Variants in ZCCHC7 observed in about 807,000 individuals in gnomAD.
ZCCHC7 encodes the protein zinc finger CCHC-type containing 7.
Under a neutral mutation model 52.0 loss-of-function variants are expected in ZCCHC7, and 35 were observed. The ratio of observed to expected loss-of-function variants is 0.67; its 90% confidence interval spans 0.51 to 0.89. ZCCHC7 has a LOEUF of 0.89. Among genes scored for constraint, ZCCHC7 ranks in the 40% least tolerant of loss-of-function variants. The probability of loss-of-function intolerance (pLI) is 0.00; values close to 1 mark genes in which losing one functional copy is unlikely to be tolerated. For synonymous variants in ZCCHC7, 217 were observed against 221.5 expected, an observed-to-expected ratio of 0.98 and a Z score of 0.18; for missense variants, 574 against 649.1, an observed-to-expected ratio of 0.88 and a Z score of 1.26.
chr9:37,144,650 T>G (rs1843357976), intron 2 of ZCCHC7, among the ~76,000 whole-genome samples: 1 of 152,040 alleles, frequency 6.6e-6, no homozygotes, highest in South Asian at 2.1e-4. Flanking sequence ...TGTTACTGCC[T>G]TGATACGTTC....
In ZCCHC7 at chr9:37,126,734, G is replaced by A; in HGVS notation, c.402G>A (p.Lys134=). The A allele has an allele frequency of 5.0e-6, 8 of 1,614,126 alleles. No homozygotes were observed. The highest frequency in any genetic ancestry group is 6.8e-6 in the Non-Finnish European group (8 of 1,180,016). Residue 134 remains lysine, a synonymous_variant, in exon 2 of 9, where the codon AAG becomes AAA. Transcript: ENST00000336755. ...QSNELVDKKC[K]SDIEKPKSEE... is the part of the protein sequence containing the mutation. ...ATGAGCTGGTTGATAAGAAATGCAA[G>A]AGTGATATTGAGAAGCCTAAATCTG...
At chr9:37,347,067 A>T (rs1344163483) in intron 6 of ZCCHC7, among the ~76,000 whole-genome samples, 1 of 152,150 alleles carries the variant, frequency 6.6e-6, no homozygotes, top group East Asian at 1.9e-4. Context: ...AAATAAAGTG[A>T]TCCACGTTTA....
chr9:37,326,871 T>G (rs1830264559), intron 5 of ZCCHC7: 2 of 152,080 alleles, frequency 1.3e-5, no homozygotes. Context: ...AAATTTCCAT[T>G]CGCTTTTAAG....
At chr9:37,154,288 G>A (rs564611228) in intron 2 of ZCCHC7, among the ~76,000 whole-genome samples, 1 of 152,250 alleles carries the variant, frequency 6.6e-6, no homozygotes, top group African/African-American at 2.4e-5. Context: ...CTTGGGGTTT[G>A]TGAGTATGAA....
At chr9:37,349,219 A>G (rs1055917501) in intron 6 of ZCCHC7, 138 bp from the exon 7 acceptor site, 8 of 677,654 alleles carry the variant, frequency 1.2e-5, no homozygotes, top group Admixed American at 5.7e-5. Context: ...TAATATATGG[A>G]ATCGCCTGAA....
chr9:37,229,872 AAAT>A (rs1825314526), intron 2 of ZCCHC7, among the ~76,000 whole-genome samples: 1 of 152,320 alleles, frequency 6.6e-6, no homozygotes, highest in East Asian at 1.9e-4. Flanking sequence ...AGCTATGCAA[AAAT>A]AATTTGTTTG....
intron 2 of ZCCHC7, among the ~76,000 whole-genome samples, chr9:37,168,664 G>A (rs927646897): frequency 3.3e-5 from 5 of 152,224 alleles, no homozygotes; most frequent in South Asian, 2.1e-4. Flanking sequence ...TTTGAGAGCC[G>A]AGGCAGGAGG....
chr9:37,225,536 T>A (rs1469500461), intron 2 of ZCCHC7, among the ~76,000 whole-genome samples: 1 of 152,110 alleles, frequency 6.6e-6, no homozygotes, highest in Admixed American at 6.5e-5. Flanking sequence ...CACAAAAAAT[T>A]ATTAACAAAA....
chr9:37,253,981 C>A (rs959770055), intron 2 of ZCCHC7, among the ~76,000 whole-genome samples: 2 of 151,962 alleles, frequency 1.3e-5, no homozygotes, highest in East Asian at 3.9e-4. Context: ...TTTTCTTTAA[C>A]GTGAACCAAA....
chr9:37,127,793 G>A (rs1012073924), intron 2 of ZCCHC7, among the ~76,000 whole-genome samples: 1 of 152,182 alleles, frequency 6.6e-6, no homozygotes, highest in Non-Finnish European at 1.5e-5. Flanking sequence ...GACATTGAAT[G>A]TAGATTGTGC....
intron 2 of ZCCHC7, among the ~76,000 whole-genome samples, chr9:37,133,710 T>G (rs1201883568): frequency 6.6e-6 from 1 of 152,194 alleles, no homozygotes; most frequent in Admixed American, 6.5e-5. Flanking sequence ...CACCTCAGCC[T>G]TCCGAGTAGC....
chr9:37,231,146 A>C (rs928045852), intron 2 of ZCCHC7, among the ~76,000 whole-genome samples: 1 of 152,140 alleles, frequency 6.6e-6, no homozygotes, highest in Non-Finnish European at 1.5e-5. Context: ...GGGTTTTGCC[A>C]TGTTGGCCAG....
At chr9:37,228,823 A>G (rs1825251509) in intron 2 of ZCCHC7, among the ~76,000 whole-genome samples, 1 of 150,898 alleles carries the variant, frequency 6.6e-6, no homozygotes. Flanking sequence ...ATAATATGTG[A>G]AAAAGAGGGA....
intron 2 of ZCCHC7, among the ~76,000 whole-genome samples, chr9:37,296,409 A>G (rs1265574021): frequency 6.6e-6 from 1 of 152,098 alleles, no homozygotes; most frequent in Non-Finnish European, 1.5e-5. Context: ...AACCTTTTCT[A>G]CTTTTCCTTT....
intron 5 of ZCCHC7, among the ~76,000 whole-genome samples, chr9:37,324,748 A>G (rs1303495492): frequency 6.6e-6 from 1 of 152,126 alleles, no homozygotes; most frequent in African/African-American, 2.4e-5. Context: ...GGCTGCGTTC[A>G]AGGGCTCTCT....
chr9:37,184,669 T>G (rs1361456034), intron 2 of ZCCHC7, among the ~76,000 whole-genome samples: 1 of 151,226 alleles, frequency 6.6e-6, no homozygotes, highest in Admixed American at 6.6e-5. Flanking sequence ...TACCCAAGTT[T>G]TAACCTCTGT....
rs115110579 is a variant in ZCCHC7, at chr9:37,124,758, T to C, written c.-21-1554T>C. Among the ~76,000 whole-genome samples, 580 of 152,348 alleles carry C rather than the reference T, an allele frequency of 3.8e-3. 7 individuals are homozygous for C. Among genetic ancestry groups the C allele is most frequent in the African/African-American group, 0.013 (548 of 41,576 alleles). On this transcript the variant is annotated intron_variant, in intron 1 of 8. Coordinates refer to ENST00000336755, the MANE Select transcript of ZCCHC7 (RefSeq NM_032226.3). ...AAAGTAAAGTGTTTCACTTTACACA[T>C]TTATTCCCAAAGCTGGGAGTTTTGT... is the stretch of plus-strand genomic sequence containing the variant.
chr9:37,288,715 A>G (rs1239174129), intron 2 of ZCCHC7, among the ~76,000 whole-genome samples: 1 of 152,180 alleles, frequency 6.6e-6, no homozygotes, highest in Non-Finnish European at 1.5e-5. Flanking sequence ...CATTTACCAT[A>G]ATCGATAACA....
intron 2 of ZCCHC7, among the ~76,000 whole-genome samples, chr9:37,141,396 T>C (rs1037896196): frequency 6.6e-6 from 1 of 151,910 alleles, no homozygotes; most frequent in African/African-American, 2.4e-5. Context: ...TATTGTGTGG[T>C]ACTTAGATCC....
Sources: gnomAD v4.1 joint callset for allele counts (sites outside exome capture counted in the v4.1 genomes callset) on GRCh38, gnomAD v4.1.1 for gene constraint, MANE v1.5 for transcripts, NCBI Gene and HGNC (gene_info 2026-07-23, HGNC 2026-07-21) for gene names.